Variants in GABRG3 observed in about 807,000 individuals in gnomAD.
The protein encoded by GABRG3 is gamma-aminobutyric acid receptor subunit gamma-3.
In GABRG3, 25 loss-of-function variants were observed where a neutral mutation model predicts 48.8. That is an observed-to-expected ratio of 0.51 (90% CI 0.37 to 0.72). The LOEUF is 0.72. Among genes scored for constraint, GABRG3 ranks in the 30% least tolerant of loss-of-function variants. The pLI, the probability that GABRG3 is intolerant of heterozygous loss-of-function variation, is 0.00. For synonymous variants in GABRG3, 227 were observed against 217.6 expected, an observed-to-expected ratio of 1.04 and a Z score of -0.38; for missense variants, 394 against 577.9, an observed-to-expected ratio of 0.68 and a Z score of 3.26.
In GABRG3 at chr15:27,376,874, G is replaced by C. The variant is rs187893866; in HGVS notation, c.574+47986G>C. 2.0e-5 allele frequency among the ~76,000 whole-genome samples: 3 copies of C among 152,254 alleles called. No homozygotes were observed. In the East Asian group the frequency reaches 5.8e-4, roughly 29 times the overall value. On this transcript the variant is annotated intron_variant, in intron 5 of 9. Coordinates refer to ENST00000615808, the MANE Select transcript of GABRG3 (RefSeq NM_033223.5). ...TTACTTATGCAAATTTCTGCCACTG[G>C]GTTGAATTTCTCCTCAGAAAATGGG...
chr15:27,385,055 T>C (rs1303980918), intron 5 of GABRG3, among the ~76,000 whole-genome samples: 1 of 152,210 alleles, frequency 6.6e-6, no homozygotes, highest in Admixed American at 6.5e-5. Flanking sequence ...CCTCCTGCCC[T>C]TTCATGCAGC....
At chr15:27,435,994 G>A (rs1265495086) in intron 5 of GABRG3, among the ~76,000 whole-genome samples, 1 of 152,196 alleles carries the variant, frequency 6.6e-6, no homozygotes, top group Non-Finnish European at 1.5e-5. Context: ...CTAGCATAGT[G>A]CGGTAGAGAT....
chr15:27,352,274 C>T lies in GABRG3; in HGVS notation c.574+23386C>T, dbSNP rs1429991615. ...TAATCTCCGTCTCGCGCTCACTGTT[C>T]ACAGCGTAAATCCAGACCCATAGTG... On this transcript the variant is annotated intron_variant, in intron 5 of 9. Coordinates refer to ENST00000615808, the MANE Select transcript of GABRG3 (RefSeq NM_033223.5). This position sits in a 1 kb window ranked among gnomAD's most constrained non-coding sequence, Gnocchi z 4.0. Among the ~76,000 whole-genome samples, 1 of 151,840 alleles carries T rather than the reference C, an allele frequency of 6.6e-6. No homozygotes were observed. The highest frequency in any genetic ancestry group is 2.4e-5 in the African/African-American group (1 of 41,248).
chr15:27,358,251 T>C (rs192757764), intron 5 of GABRG3, among the ~76,000 whole-genome samples: 59 of 152,264 alleles, frequency 3.9e-4, no homozygotes, highest in African/African-American at 1.4e-3. Context: ...AAAATAACCA[T>C]AGTTTGTTGC....
intron 5 of GABRG3, among the ~76,000 whole-genome samples, chr15:27,433,421 C>T (rs1331264179): frequency 6.6e-6 from 1 of 152,210 alleles, no homozygotes; most frequent in Non-Finnish European, 1.5e-5. Context: ...CTTTTAGAGG[C>T]TGTCCACATT....
intron 3 of GABRG3, among the ~76,000 whole-genome samples, chr15:27,070,240 C>CA (rs1896805620): frequency 6.6e-6 from 1 of 152,168 alleles, no homozygotes; most frequent in Non-Finnish European, 1.5e-5. Flanking sequence ...GTGCCGTATA[C>CA]AAAGAGACAG....
chr15:26,979,139 T>C (rs1895005398), intron 2 of GABRG3, among the ~76,000 whole-genome samples: 1 of 152,254 alleles, frequency 6.6e-6, no homozygotes, highest in African/African-American at 2.4e-5. Context: ...TGTTAATTTC[T>C]AATATACATA....
intron 6 of GABRG3, among the ~76,000 whole-genome samples, chr15:27,518,848 A>C (rs1278626688): frequency 1.3e-5 from 2 of 152,242 alleles, no homozygotes; most frequent in Non-Finnish European, 2.9e-5. Context: ...AGTGTTTTAC[A>C]AAGTTCCTTT....
intron 3 of GABRG3, among the ~76,000 whole-genome samples, chr15:27,088,084 AGTGT>A (rs944841111): frequency 3.3e-5 from 4 of 122,084 alleles, no homozygotes; most frequent in African/African-American, 9.7e-5. Flanking sequence ...TGTGTGTGTG[AGTGT>A]GTGTGATGTG....
intron 5 of GABRG3, among the ~76,000 whole-genome samples, chr15:27,337,888 C>T (rs1894029244): frequency 6.6e-6 from 1 of 152,170 alleles, no homozygotes; most frequent in Non-Finnish European, 1.5e-5. Context: ...CCAGACCACC[C>T]GTGCTTCTCT....
At chr15:27,388,912 G>T (rs796441218) in intron 5 of GABRG3, among the ~76,000 whole-genome samples, 1 of 152,140 alleles carries the variant, frequency 6.6e-6, no homozygotes, top group African/African-American at 2.4e-5. Context: ...ATTTTTCCTC[G>T]CCTTAACCCA....
chr15:27,102,545 A>G (rs943461932), intron 3 of GABRG3, among the ~76,000 whole-genome samples: 3 of 152,156 alleles, frequency 2.0e-5, no homozygotes, highest in Non-Finnish European at 4.4e-5. Flanking sequence ...AGGATTTTCT[A>G]TTATGGTCGT....
intron 6 of GABRG3, among the ~76,000 whole-genome samples, chr15:27,506,647 A>C (rs1255763810): frequency 6.6e-6 from 1 of 152,208 alleles, no homozygotes; most frequent in Non-Finnish European, 1.5e-5. Context: ...ATGCAGTAAT[A>C]TCATGCCTGG....
chr15:27,459,598 G>A (rs1222095958), intron 5 of GABRG3, among the ~76,000 whole-genome samples: 1 of 152,092 alleles, frequency 6.6e-6, no homozygotes, highest in Non-Finnish European at 1.5e-5. Context: ...TTATACTAAT[G>A]TAAATTGTAT....
intron 2 of GABRG3, among the ~76,000 whole-genome samples, chr15:27,015,470 C>T (rs1189604988): frequency 3.3e-5 from 5 of 150,832 alleles, no homozygotes; most frequent in Non-Finnish European, 7.4e-5. Context: ...CTGCAAGCTC[C>T]GCCTCCCGGG....
chr15:27,505,104 A>C (rs1023077231), intron 6 of GABRG3, among the ~76,000 whole-genome samples: 1 of 152,078 alleles, frequency 6.6e-6, no homozygotes, highest in Non-Finnish European at 1.5e-5. Context: ...TTTAGTTTTC[A>C]CATCTCTTTA....
At chr15:27,430,816 C>G (rs2140622688) in intron 5 of GABRG3, among the ~76,000 whole-genome samples, 1 of 151,968 alleles carries the variant, frequency 6.6e-6, no homozygotes, top group Non-Finnish European at 1.5e-5. Flanking sequence ...ATGCCGAAAC[C>G]CCGTCTCTAC....
At chr15:27,528,160 C>A (rs976534386) in intron 9 of GABRG3, among the ~76,000 whole-genome samples, 168 bp downstream of exon 9, 3 of 152,158 alleles carry the variant, frequency 2.0e-5, no homozygotes, top group Non-Finnish European at 4.4e-5. Flanking sequence ...CCAACTTTGA[C>A]AATTTGGAAA....
chr15:27,093,544 G>A (rs1897226975), intron 3 of GABRG3, among the ~76,000 whole-genome samples: 1 of 152,088 alleles, frequency 6.6e-6, no homozygotes, highest in South Asian at 2.1e-4. Flanking sequence ...GCATTCTCTT[G>A]ACTTCTAATG....
Sources: allele counts gnomAD v4.1 joint callset (sites outside exome capture counted in the v4.1 genomes callset), GRCh38; gene constraint gnomAD v4.1.1; non-coding constraint Gnocchi (gnomAD v3.1); transcripts MANE v1.5; gene names NCBI Gene and HGNC (gene_info 2026-07-23, HGNC 2026-07-21).